The following PTPRU variants were observed in gnomAD, a reference collection of about 807,000 sequenced individuals.
The protein encoded by PTPRU is protein tyrosine phosphatase receptor type U.
A neutral mutation model predicts 166.3 loss-of-function variants in PTPRU; 69 were observed. That is an observed-to-expected ratio of 0.41 (90% CI 0.34 to 0.51). PTPRU has a LOEUF of 0.51. PTPRU is among the 20% of genes least tolerant of loss of function. The pLI, the probability that PTPRU is intolerant of heterozygous loss-of-function variation, is 0.09. For missense variants in PTPRU, 1,657 were observed against 2,013.7 expected (o/e 0.82, Z 3.39); for synonymous variants, 793 against 814.0 (o/e 0.97, Z 0.44).
chr1:29,288,565 C>G (rs1327850356), intron 14 of PTPRU, among the ~76,000 whole-genome samples: 1 of 152,162 alleles, frequency 6.6e-6, no homozygotes, highest in Non-Finnish European at 1.5e-5. Context: ...TCCCCTCTCT[C>G]CCTGGGATGG....
intron 1 of PTPRU, among the ~76,000 whole-genome samples, chr1:29,252,275 T>C (rs1403122174): frequency 6.8e-6 from 1 of 147,782 alleles, no homozygotes; most frequent in African/African-American, 2.6e-5. Flanking sequence ...TTCTTTCTTT[T>C]TTTTTTTTTT....
intron 8 of PTPRU, among the ~76,000 whole-genome samples, chr1:29,277,090 A>G (rs1685837546): frequency 6.6e-6 from 1 of 152,156 alleles, no homozygotes; most frequent in African/African-American, 2.4e-5. Context: ...TTTCTAAGCA[A>G]TTGGGACTTT....
chr1:29,325,359 C>T (rs893284709), intron 29 of PTPRU, 33 bp downstream of exon 29: 2 of 1,611,248 alleles, frequency 1.2e-6, no homozygotes, highest in East Asian at 2.2e-5. Context: ...CAGCCACTTC[C>T]ACCTTCCTGG....
chr1:29,304,624 G>T, intron 16 of PTPRU, 150 bp from the exon 17 acceptor site: 1 of 549,372 alleles, frequency 1.8e-6, no homozygotes, highest in African/African-American at 1.9e-5. Flanking sequence ...GACCCACAGT[G>T]ACACAGTGAC....
chr1:29,316,879 G>A (rs1035285059), intron 24 of PTPRU, among the ~76,000 whole-genome samples: 24 of 152,264 alleles, frequency 1.6e-4, no homozygotes, highest in Middle Eastern at 3.4e-3. Flanking sequence ...GGCTCTTGGG[G>A]CAGGACCAGC....
intron 11 of PTPRU, among the ~76,000 whole-genome samples, chr1:29,281,652 C>G (rs1686087594): frequency 6.6e-6 from 1 of 152,182 alleles, no homozygotes; most frequent in African/African-American, 2.4e-5. Flanking sequence ...GAGGCCTGAC[C>G]TTAGCCTGGG....
At chr1:29,319,746 A>G (rs1688066064) in intron 25 of PTPRU, among the ~76,000 whole-genome samples, 1 of 152,222 alleles carries the variant, frequency 6.6e-6, no homozygotes, top group Admixed American at 6.5e-5. Flanking sequence ...GGTCAAGGCC[A>G]GAAGAAGCCA....
intron 15 of PTPRU, 70 bp from the exon 16 acceptor site, chr1:29,303,785 C>T: frequency 6.9e-7 from 1 of 1,451,786 alleles, no homozygotes; most frequent in Non-Finnish European, 9.4e-7. Flanking sequence ...CCCATAGACC[C>T]CAGTCTCTCC....
intron 15 of PTPRU, among the ~76,000 whole-genome samples, chr1:29,294,213 G>C (rs1431692942): frequency 1.3e-5 from 2 of 152,186 alleles, no homozygotes; most frequent in Non-Finnish European, 2.9e-5. Flanking sequence ...AAGACTTTCT[G>C]TTGCTCTACA....
chr1:29,308,033 A>G (rs927659842), intron 18 of PTPRU, among the ~76,000 whole-genome samples: 1 of 152,142 alleles, frequency 6.6e-6, no homozygotes, highest in Non-Finnish European at 1.5e-5. Context: ...CTGGGATTAC[A>G]GGCATGAGCC....
chr1:29,259,896 G>A lies in PTPRU; in HGVS notation c.702G>A (p.Ala234=), dbSNP rs761809526. ...LQRQSGALVP[A]AGVRHISHRR... is the part of the protein sequence containing the mutation. ...GGCAGAGCGGGGCGCTGGTGCCGGC[G>A]GCGGGCGTGCGGCACATCAGCCACC... is the stretch of plus-strand genomic sequence containing the variant. Residue 234 remains alanine (A), a synonymous_variant, in exon 6 of 30, where the codon GCG becomes GCA. Transcript: ENST00000373779. 1.2e-5 allele frequency: 19 copies of A among 1,531,890 alleles called. No homozygotes were observed. In the South Asian group the frequency reaches 2.2e-4, roughly 17 times the overall value. 94.9% of individuals were successfully genotyped at this position (1,531,890 alleles called of 1,614,324 possible).
chr1:29,275,443 T>C lies in PTPRU; in HGVS notation c.1145-5T>C. The C allele has an allele frequency of 6.2e-7, 1 of 1,609,166 alleles. No individual in the cohort carries two copies. Among genetic ancestry groups the C allele is most frequent in the Non-Finnish European group, 8.5e-7 (1 of 1,175,766 alleles). On this transcript the variant is annotated splice_polypyrimidine_tract_variant and splice_region_variant and intron_variant, in intron 7 of 29. Transcript: ENST00000373779. ...CTTCTTCTCTCTGCTTCCTGCATTCTCCAGAGCCCATGAGGGCCCCCAAAG... is the reference window on the plus strand; with the variant it reads ...CTTCTTCTCTCTGCTTCCTGCATTCCCCAGAGCCCATGAGGGCCCCCAAAG...
At chr1:29,323,901 C>T (rs1030218563) in intron 28 of PTPRU, 113 bp downstream of exon 28, 1 of 1,320,076 alleles carries the variant, frequency 7.6e-7, no homozygotes, top group Non-Finnish European at 1.0e-6. Flanking sequence ...ACCGAAACCC[C>T]TGGGCTCTTA....
At chr1:29,263,408 C>T (rs1274200432) in intron 7 of PTPRU, among the ~76,000 whole-genome samples, 1 of 152,158 alleles carries the variant, frequency 6.6e-6, no homozygotes, top group Non-Finnish European at 1.5e-5. Flanking sequence ...ATTTGTCATT[C>T]ATCAGTTGAT....
At position 29,311,831 on chromosome 1, in the gene PTPRU, CA is replaced by C. The variant is rs1163230128; in HGVS notation, c.3072+73del. 27 of 1,433,054 alleles carry C rather than the reference CA, an allele frequency of 1.9e-5. No individual in the cohort carries two copies. Among genetic ancestry groups the C allele is most frequent in the Non-Finnish European group, 2.5e-5 (26 of 1,029,280 alleles). The allele number at this position is 1,433,054 out of a possible 1,614,324, so 88.8% of individuals were successfully genotyped here. ...GATTAGAGCCCACTCCCACTTCCCCCAGCCCTGGGAGCAGGAGGGTGAGGAG... is the reference window on the plus strand; with the variant it reads ...GATTAGAGCCCACTCCCACTTCCCCCGCCCTGGGAGCAGGAGGGTGAGGAG... On this transcript the variant is annotated intron_variant, in intron 21 of 29. Transcript: ENST00000373779. The surrounding 1 kb of genome is among the most constrained non-coding windows in gnomAD (Gnocchi z 4.1).
In PTPRU at chr1:29,291,897, G is replaced by A. The variant is rs376574571; in HGVS notation, c.2347G>A (p.Val783Ile). 3.5e-5 allele frequency: 56 copies of A among 1,613,894 alleles called. No homozygotes were observed. Among genetic ancestry groups the A allele is most frequent in the African/African-American group, 1.3e-5 (1 of 74,912 alleles). The change falls in exon 15 of 30, where the codon GTC becomes ATC. Residue 783 changes from valine (V) to isoleucine (I), a missense_variant. Physicochemically the swap from Val to Ile is conservative, Grantham distance 29 (BLOSUM62 3). Transcript: ENST00000373779. This position sits in a 1 kb window ranked among gnomAD's most constrained non-coding sequence, Gnocchi z 4.1. The part of the protein sequence containing the change: ...GKPVNMTKAT[V>I]NYRQEKTHMM... The stretch of plus-strand genomic sequence containing the variant: ...GCCGGTGAACATGACCAAGGCCACC[G>A]TCAACTACCGCCAGGAGAAGACACA...
At chr1:29,307,222 C>T (rs1387369689) in intron 18 of PTPRU, 4 of 1,522,452 alleles carry the variant, frequency 2.6e-6, no homozygotes, top group African/African-American at 1.4e-5. Flanking sequence ...CAGACTCTCT[C>T]ACGGTCTCTG....
rs1683774743 is a variant in PTPRU, at chr1:29,236,622, G to A, written c.-23G>A. 8 of 1,233,532 alleles carry A rather than the reference G, an allele frequency of 6.5e-6. No individual in the cohort carries two copies. Among genetic ancestry groups the A allele is most frequent in the Non-Finnish European group, 8.1e-6 (8 of 988,402 alleles). 76.4% of individuals were successfully genotyped at this position (1,233,532 alleles called of 1,614,324 possible). A position where few individuals can be genotyped will look rare whatever the true frequency, so the allele number is the denominator to read the frequency against. ...GCGGCGTCCCCCGCGCCGGGCCCCG[G>A]GACGGGCGGCGACGCTCCAACCATG... On this transcript the variant is annotated 5_prime_UTR_variant, in exon 1 of 30. Transcript: ENST00000373779. The surrounding 1 kb of genome is among the most constrained non-coding windows in gnomAD (Gnocchi z 4.6).
chr1:29,325,838 C>T lies in PTPRU; in HGVS notation c.*177C>T, dbSNP rs1688389834. The T allele has an allele frequency of 1.4e-6, 1 of 700,362 alleles. No homozygotes were observed. Among genetic ancestry groups the T allele is most frequent in the African/African-American group, 1.8e-5 (1 of 54,300 alleles). 43.4% of individuals were successfully genotyped at this position (700,362 alleles called of 1,614,324 possible). A position where few individuals can be genotyped will look rare whatever the true frequency, so the allele number is the denominator to read the frequency against. On this transcript the variant is annotated 3_prime_UTR_variant, in exon 30 of 30. Coordinates refer to ENST00000373779, the MANE Select transcript of PTPRU (RefSeq NM_133178.4). ...ACTGTGGGCAGGGCCTTTCGCTTGT[C>T]CCATGGGCGGGTGGTGGGCCAAGGA...
Sources: gnomAD v4.1 joint callset for allele counts (sites outside exome capture counted in the v4.1 genomes callset) on GRCh38, gnomAD v4.1.1 for gene constraint, Gnocchi (gnomAD v3.1) non-coding constraint, MANE v1.5 for transcripts, NCBI Gene and HGNC (gene_info 2026-07-23, HGNC 2026-07-21) for gene names.